ANTXR1: variants seen among roughly 807,000 people sequenced by gnomAD.
ANTXR1 encodes anthrax toxin receptor 1.
A neutral mutation model predicts 78.1 loss-of-function variants in ANTXR1; 19 were observed. The ratio of observed to expected loss-of-function variants is 0.24; its 90% confidence interval spans 0.17 to 0.36. The LOEUF (loss-of-function observed/expected upper bound fraction) is 0.36, where lower values mean the gene tolerates loss of function less well. Among genes scored for constraint, ANTXR1 ranks in the 10% least tolerant of loss-of-function variants. ANTXR1 has a pLI of 1.00. For missense variants in ANTXR1, 518 were observed against 718.6 expected (o/e 0.72, Z 3.19); for synonymous variants, 273 against 260.5 (o/e 1.05, Z -0.46).
intron 17 of ANTXR1, among the ~76,000 whole-genome samples, chr2:69,196,140 T>C (rs1435041156): frequency 6.6e-6 from 1 of 152,266 alleles, no homozygotes; most frequent in Non-Finnish European, 1.5e-5. Flanking sequence ...TTACCAATTC[T>C]GAATGAAAGT....
At chr2:69,158,509 T>C (rs1185727663) in intron 13 of ANTXR1, among the ~76,000 whole-genome samples, 1 of 152,224 alleles carries the variant, frequency 6.6e-6, no homozygotes, top group East Asian at 1.9e-4. Flanking sequence ...TATTTATGTA[T>C]ATATCTCTCA....
In ANTXR1 at chr2:69,248,202, T is replaced by G. The variant is rs189884499; in HGVS notation, c.*2717T>G. The G allele has an allele frequency of 6.5e-6, 1 of 154,092 alleles. No individual in the cohort carries two copies. The highest frequency in any genetic ancestry group is 3.2e-5 in the African/African-American group (1 of 31,466). 9.5% of individuals were successfully genotyped at this position (154,092 alleles called of 1,614,324 possible). On this transcript the variant is annotated 3_prime_UTR_variant, in exon 18 of 18. Coordinates refer to ENST00000303714, the MANE Select transcript of ANTXR1 (RefSeq NM_032208.3). ...GTTTTCAGCCCCCGTGTTATTGTCCTTTTGAACTGTTTTTTTTTTTATTAA... is the reference window on the plus strand; with the variant it reads ...GTTTTCAGCCCCCGTGTTATTGTCCGTTTGAACTGTTTTTTTTTTTATTAA...
intron 3 of ANTXR1, among the ~76,000 whole-genome samples, chr2:69,053,397 T>C (rs1481157977): frequency 6.6e-6 from 1 of 151,914 alleles, no homozygotes; most frequent in East Asian, 1.9e-4. Flanking sequence ...TGCTGGATTA[T>C]TGTGTTAAGA....
chr2:69,097,811 A>C (rs2104304343), intron 9 of ANTXR1, among the ~76,000 whole-genome samples: 1 of 152,380 alleles, frequency 6.6e-6, no homozygotes, highest in South Asian at 2.1e-4. Flanking sequence ...CTCCATTTTT[A>C]ATAGCCAAAA....
At chr2:69,162,847 A>T (rs1409497764) in intron 13 of ANTXR1, among the ~76,000 whole-genome samples, 1 of 152,152 alleles carries the variant, frequency 6.6e-6, no homozygotes. Context: ...GCCCATGAAA[A>T]TAATAGGACT....
At chr2:69,178,568 C>CCGGGGG (rs1480971658) in intron 14 of ANTXR1, among the ~76,000 whole-genome samples, 32 of 138,178 alleles carry the variant, frequency 2.3e-4, no homozygotes, top group African/African-American at 1.1e-3. Flanking sequence ...GAGGGAGGGG[C>CCGGGGG]CAGGGGCAAG....
At chr2:69,051,158 C>T (rs1212353767) in intron 3 of ANTXR1, among the ~76,000 whole-genome samples, 1 of 151,914 alleles carries the variant, frequency 6.6e-6, no homozygotes, top group Admixed American at 6.6e-5. Context: ...TGTTGGTGCG[C>T]ACCTGTAATC....
chr2:69,014,888 A>G (rs1401020023), intron 1 of ANTXR1, among the ~76,000 whole-genome samples: 1 of 152,206 alleles, frequency 6.6e-6, no homozygotes, highest in African/African-American at 2.4e-5. Context: ...TCTTTTCTGC[A>G]GATTTATGAG....
chr2:69,130,453 C>T (rs924253387), intron 12 of ANTXR1, among the ~76,000 whole-genome samples: 1 of 152,148 alleles, frequency 6.6e-6, no homozygotes, highest in Non-Finnish European at 1.5e-5. Context: ...AGACCTGAAA[C>T]ATCAAAGCGA....
At chr2:69,061,601 A>G (rs1418871181) in intron 3 of ANTXR1, among the ~76,000 whole-genome samples, 2 of 152,128 alleles carry the variant, frequency 1.3e-5, no homozygotes, top group Non-Finnish European at 2.9e-5. Context: ...TTTGATATGG[A>G]CAGACAGCCA....
rs57847359 is a variant in ANTXR1, at chr2:69,193,459, T to TCTCACACACACA, written c.1434+45_1434+46insTCACACACACAC. ...TTAATGGTGTCTCTCTCTCTCTCTC[T>TCTCACACACACA]CACATACACACACACACACACACAC... On this transcript the variant is annotated intron_variant, in intron 17 of 17. Coordinates refer to ENST00000303714, the MANE Select transcript of ANTXR1 (RefSeq NM_032208.3). 71 of 1,044,974 alleles carry TCTCACACACACA rather than the reference T, an allele frequency of 6.8e-5. No homozygotes were observed. The East Asian group carries it at 1.0e-3, about 15-fold the overall frequency. The allele number at this position is 1,044,974 out of a possible 1,614,324, so 64.7% of individuals were successfully genotyped here. A position where few individuals can be genotyped will look rare whatever the true frequency, so the allele number is the denominator to read the frequency against.
At chr2:69,160,883 A>G (rs189655406) in intron 13 of ANTXR1, among the ~76,000 whole-genome samples, 1 of 152,322 alleles carries the variant, frequency 6.6e-6, no homozygotes, top group African/African-American at 2.4e-5. Context: ...GCCAAATACT[A>G]TTTGGGAAAC....
intron 17 of ANTXR1, among the ~76,000 whole-genome samples, chr2:69,226,197 C>A (rs1056124142): frequency 6.6e-6 from 1 of 152,186 alleles, no homozygotes; most frequent in African/African-American, 2.4e-5. Context: ...GGAGACTGAA[C>A]AGAGATTGTT....
At position 69,022,053 on chromosome 2, in the gene ANTXR1, C is replaced by A. The variant is rs182952529; in HGVS notation, c.152+8402C>A. On this transcript the variant is annotated intron_variant, in intron 1 of 17. Transcript: ENST00000303714. ...AATGGAGATTAGACATGCTCTCCTG[C>A]CACCTAAGTATTACATGAATATATT... 5.3e-5 allele frequency among the ~76,000 whole-genome samples: 8 copies of A among 152,296 alleles called. No homozygotes were observed. In the East Asian group the frequency reaches 1.2e-3, roughly 22 times the overall value.
chr2:69,193,224 AGTGTT>A, intron 16 of ANTXR1, 106 bp from the exon 17 acceptor site: 4 of 835,666 alleles, frequency 4.8e-6, no homozygotes, highest in Non-Finnish European at 6.3e-6. Context: ...CCATATTGAC[AGTGTT>A]GTGTTGTTCA....
intron 12 of ANTXR1, among the ~76,000 whole-genome samples, chr2:69,133,091 TAAG>T (rs1438017136): frequency 6.6e-6 from 1 of 151,810 alleles, no homozygotes; most frequent in Non-Finnish European, 1.5e-5. Context: ...CCCAGTTACC[TAAG>T]AAGGATTTTC....
chr2:69,214,700 A>C (rs1364880902), intron 17 of ANTXR1, among the ~76,000 whole-genome samples: 2 of 152,134 alleles, frequency 1.3e-5, no homozygotes, highest in African/African-American at 4.8e-5. Flanking sequence ...GGGGCAGGTG[A>C]GCAGAGGTAG....
At chr2:69,231,240 T>C (rs1301290232) in intron 17 of ANTXR1, among the ~76,000 whole-genome samples, 1 of 152,182 alleles carries the variant, frequency 6.6e-6, no homozygotes, top group Non-Finnish European at 1.5e-5. Context: ...CAGGATAATA[T>C]CCAGAGGACA....
intron 10 of ANTXR1, among the ~76,000 whole-genome samples, chr2:69,112,912 G>A (rs865898533): frequency 6.6e-6 from 1 of 152,138 alleles, no homozygotes. Context: ...AGAATGGTTG[G>A]GGGACAAAAG....
Sources: allele counts gnomAD v4.1 joint callset (sites outside exome capture counted in the v4.1 genomes callset), GRCh38; gene constraint gnomAD v4.1.1; transcripts MANE v1.5; gene names NCBI Gene and HGNC (gene_info 2026-07-23, HGNC 2026-07-21).